KIFC1: variants seen among roughly 807,000 people sequenced by gnomAD.
KIFC1 encodes the protein kinesin family member C1, also known as kinesin-like protein KIFC1.
KIFC1 carries 37 observed loss-of-function variants against 66.6 expected under a neutral mutation model. The ratio of observed to expected loss-of-function variants is 0.56; its 90% CI spans 0.43 to 0.73. The LOEUF is 0.73. Ranked by LOEUF, KIFC1 falls within the 30% of genes least tolerant of loss-of-function variation. KIFC1 has a pLI of 0.00. For missense variants in KIFC1, 721 were observed against 859.8 expected, an observed-to-expected ratio of 0.84 and a Z score of 2.02; for synonymous variants, 325 against 343.5, an observed-to-expected ratio of 0.95 and a Z score of 0.60.
chr6:33,399,963 AC>A (rs1349115471), intron 3 of KIFC1: 2 of 570,996 alleles, frequency 3.5e-6, no homozygotes, highest in Admixed American at 3.2e-5. Flanking sequence ...TTTTTTTCCC[AC>A]TTGCCAAGGC....
Position 33,404,127 on chromosome 6 carries a change from G to A in KIFC1, c.754G>A (p.Glu252Lys). ...ACTGATGTCCCAACTAGAGGAGAAG[G>A]AGGTAAGGGCCAGATTTTCACCAGA... ...RGLMSQLEEKERRLQTSEAAL... is the reference protein window; with the variant it reads ...RGLMSQLEEKKRRLQTSEAAL... The change falls in exon 6 of 11, where the codon GAG becomes AAG. Residue 252 changes from glutamate (E) to lysine (K), a missense_variant and splice_region_variant. Glu to Lys is a moderately conservative substitution (Grantham distance 56). Transcript: ENST00000428849. This position sits in a 1 kb window ranked among gnomAD's most constrained non-coding sequence, Gnocchi z 4.0. 1 of 1,605,118 alleles carries A rather than the reference G, an allele frequency of 6.2e-7. No individual in the cohort carries two copies. The highest frequency in any genetic ancestry group is 1.1e-5 in the South Asian group (1 of 89,996).
intron 10 of KIFC1, among the ~76,000 whole-genome samples, chr6:33,408,968 C>T (rs1397633232): frequency 1.3e-5 from 2 of 152,060 alleles, no homozygotes; most frequent in African/African-American, 4.8e-5. Flanking sequence ...GTCAGGAGAT[C>T]GAGACCATCC....
In KIFC1 at chr6:33,400,271, T is replaced by G; in HGVS notation, c.250+1884T>G. The G allele has an allele frequency of 6.4e-7, 1 of 1,568,556 alleles. No individual in the cohort carries two copies. Among genetic ancestry groups the G allele is most frequent in the South Asian group, 1.1e-5 (1 of 90,410 alleles). ...ATATTCCCATTGTGTTTAATGTTTTTCTGTTTCTTTCTGTCTCTTGGTGGT... is the reference window on the plus strand; with the variant it reads ...ATATTCCCATTGTGTTTAATGTTTTGCTGTTTCTTTCTGTCTCTTGGTGGT... On this transcript the variant is annotated intron_variant, in intron 3 of 10. Transcript: ENST00000428849. This position sits in a 1 kb window ranked among gnomAD's most constrained non-coding sequence, Gnocchi z 4.3.
At position 33,406,766 on chromosome 6, in the gene KIFC1, T is replaced by C; in HGVS notation, c.1902-34T>C. ...GACCTGTCCAGGCTCTGCTGGCCCCTAATGCTGGGGTTGGGCACATTGTCT... is the reference window on the plus strand; with the variant it reads ...GACCTGTCCAGGCTCTGCTGGCCCCCAATGCTGGGGTTGGGCACATTGTCT... On this transcript the variant is annotated intron_variant, in intron 9 of 10. Transcript: ENST00000428849. The surrounding 1 kb of genome is among the most constrained non-coding windows in gnomAD (Gnocchi z 4.5). The C allele has an allele frequency of 6.2e-7, 1 of 1,613,580 alleles. No individual in the cohort carries two copies. The highest frequency in any genetic ancestry group is 8.5e-7 in the Non-Finnish European group (1 of 1,179,520).
chr6:33,392,081 G>T, intron 1 of KIFC1, 84 bp downstream of exon 1: 2 of 1,500,258 alleles, frequency 1.3e-6, no homozygotes, highest in Admixed American at 3.6e-5. Context: ...CCCGGCTCCC[G>T]GTCGGCCTTT....
In KIFC1 at chr6:33,400,014, G is replaced by A. The variant is rs1249482644; in HGVS notation, c.250+1627G>A. ...AATCTTTTTTTAACTTTTTTTTTTC[G>A]ACCAGTTGTCAAATGATCCTTTATT... On this transcript the variant is annotated intron_variant, in intron 3 of 10. Coordinates refer to ENST00000428849, the MANE Select transcript of KIFC1 (RefSeq NM_002263.4). This position sits in a 1 kb window ranked among gnomAD's most constrained non-coding sequence, Gnocchi z 4.3. 1.1e-5 allele frequency: 6 copies of A among 562,360 alleles called. No homozygotes were observed. Among genetic ancestry groups the A allele is most frequent in the African/African-American group, 5.9e-5 (3 of 50,530 alleles). The allele number at this position is 562,360 out of a possible 1,614,324, so 34.8% of individuals were successfully genotyped here.
chr6:33,407,867 C>T (rs1775731495), intron 10 of KIFC1, among the ~76,000 whole-genome samples: 1 of 152,212 alleles, frequency 6.6e-6, no homozygotes, highest in Non-Finnish European at 1.5e-5. Context: ...ACACCCTCCT[C>T]CTGCGCGTAT....
rs1775861903 is a variant in KIFC1 at position 33,409,845 on chromosome 6, A to C, written c.*155A>C. ...CACCATGTCCCAGGGCTATCAAATAAAGAATAGTTTGGTTTTTTTTTTAAA... is the reference window on the plus strand; with the variant it reads ...CACCATGTCCCAGGGCTATCAAATACAGAATAGTTTGGTTTTTTTTTTAAA... On this transcript the variant is annotated 3_prime_UTR_variant, in exon 11 of 11. Transcript: ENST00000428849. The C allele has an allele frequency of 1.4e-6, 1 of 723,948 alleles. No individual in the cohort carries two copies. Among genetic ancestry groups the C allele is most frequent in the African/African-American group, 1.8e-5 (1 of 55,134 alleles). 44.8% of individuals were successfully genotyped at this position (723,948 alleles called of 1,614,324 possible).
intron 1 of KIFC1, among the ~76,000 whole-genome samples, chr6:33,397,007 T>TTTTG (rs1775082877): frequency 1.4e-5 from 2 of 144,170 alleles, no homozygotes; most frequent in Admixed American, 6.9e-5. Flanking sequence ...TTTTTTTTTT[T>TTTTG]GAGACGTAGT....
rs767765743 is a variant in KIFC1, at chr6:33,406,534, G to T, written c.1827+48G>T. On this transcript the variant is annotated intron_variant, in intron 8 of 10. Transcript: ENST00000428849. The surrounding 1 kb of genome is among the most constrained non-coding windows in gnomAD (Gnocchi z 4.5). ...ATACGGGACCTGGGGGACAGTTGGGGTTGGCTGTGCAGAACCCTGCCTATT... is the reference window on the plus strand; with the variant it reads ...ATACGGGACCTGGGGGACAGTTGGGTTTGGCTGTGCAGAACCCTGCCTATT... The T allele has an allele frequency of 3.4e-5, 55 of 1,612,060 alleles. No homozygotes were observed. The highest frequency in any genetic ancestry group is 8.8e-5 in the South Asian group (8 of 90,912).
chr6:33,397,841 G>A (rs1775135651), intron 1 of KIFC1, among the ~76,000 whole-genome samples, 188 bp from the exon 2 acceptor site: 1 of 152,110 alleles, frequency 6.6e-6, no homozygotes, highest in Admixed American at 6.6e-5. Flanking sequence ...TTCCCCTAGA[G>A]GTTATTCCCA....
At chr6:33,408,947 T>A (rs1329815049) in intron 10 of KIFC1, among the ~76,000 whole-genome samples, 3 of 152,032 alleles carry the variant, frequency 2.0e-5, no homozygotes, top group Non-Finnish European at 4.4e-5. Flanking sequence ...CTGAGGTGGG[T>A]GGATCACGAG....
rs763045157 is a variant in KIFC1, at chr6:33,405,022, C to A, written c.927C>A (p.Gly309=). Residue 309 remains glycine (G), a synonymous_variant, in exon 7 of 11, where the codon GGC becomes GGA. Coordinates refer to ENST00000428849, the MANE Select transcript of KIFC1 (RefSeq NM_002263.4). This position sits in a 1 kb window ranked among gnomAD's most constrained non-coding sequence, Gnocchi z 5.4. ...RLHNQLQELK[G]NIRVFCRVRP... Reference sequence around the variant, plus strand: ...ACAACCAGCTGCAGGAACTCAAGGGCAACATCCGTGTATTCTGCCGGGTCC... The same window carrying A: ...ACAACCAGCTGCAGGAACTCAAGGGAAACATCCGTGTATTCTGCCGGGTCC... The A allele has an allele frequency of 6.2e-7, 1 of 1,614,170 alleles. No homozygotes were observed. Among genetic ancestry groups the A allele is most frequent in the Non-Finnish European group, 8.5e-7 (1 of 1,180,034 alleles).
chr6:33,405,165 G>T lies in KIFC1; in HGVS notation c.1070G>T (p.Arg357Leu), dbSNP rs141821606. 6.2e-7 allele frequency: 1 copy of T among 1,614,114 alleles called. No individual in the cohort carries two copies. The highest frequency in any genetic ancestry group is 8.5e-7 in the Non-Finnish European group (1 of 1,180,028). The change falls in exon 7 of 11, where the codon CGT becomes CTT. Residue 357 changes from arginine to leucine, a missense_variant. Physicochemically the swap from Arg to Leu is moderately radical, Grantham distance 102. Transcript: ENST00000428849. This position sits in a 1 kb window ranked among gnomAD's most constrained non-coding sequence, Gnocchi z 5.4. ...RLSLSRSDERRGTLSGAPAPP... is the reference protein window; with the variant it reads ...RLSLSRSDERLGTLSGAPAPP... ...AGCCTCTCCCGGTCTGACGAGCGGC[G>T]TGGGACCCTGAGTGGGGCACCAGCT...
intron 10 of KIFC1, chr6:33,407,206 T>A: frequency 1.8e-6 from 1 of 547,088 alleles, no homozygotes; most frequent in Non-Finnish European, 2.8e-6. Context: ...CCCAGGAGTT[T>A]AAAATCAGTC....
At chr6:33,399,815 G>A (rs1294759505) in intron 3 of KIFC1, among the ~76,000 whole-genome samples, 3 of 152,168 alleles carry the variant, frequency 2.0e-5, no homozygotes, top group Non-Finnish European at 4.4e-5. Context: ...GAATGTGAAG[G>A]CCTAGGGCCT....
intron 2 of KIFC1, 38 bp from the exon 3 acceptor site, chr6:33,398,250 G>A (rs1350574679): frequency 9.3e-6 from 15 of 1,613,480 alleles, no homozygotes; most frequent in Middle Eastern, 3.3e-4. Flanking sequence ...AAACCATTAG[G>A]GAGGGTGACT....
intron 1 of KIFC1, among the ~76,000 whole-genome samples, chr6:33,397,158 G>A (rs915475998): frequency 2.7e-5 from 4 of 148,546 alleles, no homozygotes; most frequent in African/African-American, 1.0e-4. Flanking sequence ...GGTAATTTTT[G>A]TAGAAACAGG....
At chr6:33,392,942 T>C (rs1774862201) in intron 1 of KIFC1, among the ~76,000 whole-genome samples, 1 of 152,206 alleles carries the variant, frequency 6.6e-6, no homozygotes, top group Non-Finnish European at 1.5e-5. Flanking sequence ...GGAGCTGCCA[T>C]TCTATGGGGA....
Sources: gnomAD v4.1 joint callset for allele counts (sites outside exome capture counted in the v4.1 genomes callset) on GRCh38, gnomAD v4.1.1 for gene constraint, Gnocchi (gnomAD v3.1) non-coding constraint, MANE v1.5 for transcripts, NCBI Gene and HGNC (gene_info 2026-07-23, HGNC 2026-07-21) for gene names.